ATP2B3: variants seen among roughly 807,000 people sequenced by gnomAD.
The protein encoded by ATP2B3 is plasma membrane calcium-transporting ATPase 3.
A neutral mutation model predicts 70.8 loss-of-function variants in ATP2B3; 12 were observed. That is an observed-to-expected ratio of 0.17 (90% CI 0.11 to 0.27). The LOEUF (loss-of-function observed/expected upper bound fraction) is 0.27, where lower values mean the gene tolerates loss of function less well. Among genes scored for constraint, ATP2B3 ranks in the 10% least tolerant of loss-of-function variants. The pLI is 1.00. For synonymous variants in ATP2B3, 460 were observed against 497.8 expected (o/e 0.92, Z 1.01); for missense variants, 858 against 1,118.5 (o/e 0.77, Z 3.32).
Position 153,549,761 on chromosome X carries a change from C to CGGGCAGGGCCGG in ATP2B3, c.1581+30_1581+41dup, listed in dbSNP as rs1305291833. 6.7e-6 allele frequency: 8 copies of CGGGCAGGGCCGG among 1,192,111 alleles called. No homozygotes were observed. The African/African-American group carries it at 1.2e-4, about 18-fold the overall frequency. On this transcript the variant is annotated intron_variant, in intron 11 of 21. Transcript: ENST00000263519. ...ACTAGTGAGCTGGGGCAGGAGCGGG[C>CGGGCAGGGCCGG]GGGCAGGGCCGGGGGCAGGAGCAGG...
Position 153,523,756 on chromosome X carries a change from C to T in ATP2B3, c.-127+5205C>T, listed in dbSNP as rs782699221. On this transcript the variant is annotated intron_variant, in intron 2 of 21. Transcript: ENST00000263519. ...TGTCACCCAGGCTGGAGTGCAGTGGCGCGATCTCAGCTCACTGCAACCTCC... is the reference window on the plus strand; with the variant it reads ...TGTCACCCAGGCTGGAGTGCAGTGGTGCGATCTCAGCTCACTGCAACCTCC... Among the ~76,000 whole-genome samples, 14 of 95,100 alleles carry T rather than the reference C, an allele frequency of 1.5e-4. No homozygotes were observed. In the South Asian group the frequency reaches 7.9e-3, roughly 53 times the overall value. The allele number at this position is 95,100 out of a possible 115,157, so 82.6% of individuals were successfully genotyped here. A position where few individuals can be genotyped will look rare whatever the true frequency, so the allele number is the denominator to read the frequency against.
intron 5 of ATP2B3, 129 bp from the exon 6 acceptor site, chrX:153,542,194 C>T: frequency 9.6e-7 from 1 of 1,036,921 alleles, no homozygotes; most frequent in East Asian, 3.1e-5. Flanking sequence ...TGCAAATGTC[C>T]TCGTTCCCCA....
At chrX:153,523,292 C>A (rs569643680) in intron 2 of ATP2B3, among the ~76,000 whole-genome samples, 1 of 112,460 alleles carries the variant, frequency 8.9e-6, no homozygotes, top group Non-Finnish European at 1.9e-5. Context: ...ATGTATCAGG[C>A]GGCCTTCAGT....
In ATP2B3 at chrX:153,548,624, C is replaced by A. The variant is rs371977207; in HGVS notation, c.1124-16C>A. The stretch of plus-strand genomic sequence containing the variant: ...CCCGTGGCAACCCCTTTCGTCTCCT[C>A]CCCGCTCTGTGGCAGGGCTGGTGAT... On this transcript the variant is annotated splice_polypyrimidine_tract_variant and intron_variant, in intron 9 of 21. Transcript: ENST00000263519. 1.7e-6 allele frequency: 2 copies of A among 1,202,073 alleles called. No homozygotes were observed. Among genetic ancestry groups the A allele is most frequent in the Admixed American group, 4.4e-5 (2 of 45,677 alleles).
chrX:153,545,761 A>C (rs1557008460), intron 7 of ATP2B3, among the ~76,000 whole-genome samples: 1 of 112,262 alleles, frequency 8.9e-6, no homozygotes, highest in East Asian at 2.8e-4. Context: ...TGCAGGGAGC[A>C]GACGTCCCGA....
rs782200153 is a variant in ATP2B3, at chrX:153,559,708, G to T, written c.2626-21G>T. On this transcript the variant is annotated intron_variant, in intron 17 of 21. Transcript: ENST00000263519. ...TCCCGGGCAGGCGGCCCATGGAAAG[G>T]TGACTGCCTCCTCTCCATAGGACTC... The T allele has an allele frequency of 3.9e-5, 47 of 1,195,043 alleles. No homozygotes were observed. The Admixed American group carries it at 9.2e-4, about 23-fold the overall frequency.
intron 2 of ATP2B3, among the ~76,000 whole-genome samples, chrX:153,520,790 C>T (rs909510013): frequency 1.3e-4 from 15 of 112,057 alleles, no homozygotes; most frequent in Admixed American, 7.5e-4. Flanking sequence ...GAAGTGTGTG[C>T]GGAAGTCAGC....
chrX:153,519,952 C>G lies in ATP2B3; in HGVS notation c.-127+1401C>G, dbSNP rs964228174. ...CAGGTGATGGAGATGCCCCAATCGG[C>G]CCCCGAGGGGCAAGGAAGGGGCCAG... On this transcript the variant is annotated intron_variant, in intron 2 of 21. Coordinates refer to ENST00000263519, the MANE Select transcript of ATP2B3 (RefSeq NM_001001344.3). 2.7e-5 allele frequency among the ~76,000 whole-genome samples: 3 copies of G among 112,294 alleles called. No individual in the cohort carries two copies. The East Asian group carries it at 8.5e-4, about 32-fold the overall frequency.
chrX:153,530,275 G>T (rs1160478319), intron 2 of ATP2B3, among the ~76,000 whole-genome samples: 1 of 112,258 alleles, frequency 8.9e-6, no homozygotes, highest in Non-Finnish European at 1.9e-5. Context: ...TAGCGTTCTG[G>T]TCCTCCCGCT....
At chrX:153,550,969 C>T (rs2090448705) in intron 12 of ATP2B3, among the ~76,000 whole-genome samples, 2 of 112,298 alleles carry the variant, frequency 1.8e-5, no homozygotes, top group Admixed American at 9.4e-5. Flanking sequence ...CCATCCATCC[C>T]TTCATCTGTC....
At chrX:153,535,108 G>A (rs1056035828) in intron 2 of ATP2B3, among the ~76,000 whole-genome samples, 1 of 113,081 alleles carries the variant, frequency 8.8e-6, no homozygotes, top group Non-Finnish European at 1.9e-5. Flanking sequence ...AAGGAGCGGA[G>A]AGAGAGGAGC....
intron 2 of ATP2B3, among the ~76,000 whole-genome samples, chrX:153,521,497 G>A (rs1171775349): frequency 8.9e-6 from 1 of 112,611 alleles, no homozygotes; most frequent in African/African-American, 3.2e-5. Context: ...CAATGGTTGG[G>A]GAATCTTGGG....
At chrX:153,544,129 A>G (rs930864947) in intron 7 of ATP2B3, among the ~76,000 whole-genome samples, 6 of 112,448 alleles carry the variant, frequency 5.3e-5, no homozygotes, top group Admixed American at 1.9e-4. Context: ...TGTGGCACCA[A>G]GTCCTGTAGG....
intron 21 of ATP2B3, among the ~76,000 whole-genome samples, chrX:153,570,585 G>A (rs1311535763): frequency 1.8e-5 from 2 of 112,473 alleles, no homozygotes; most frequent in African/African-American, 6.5e-5. Flanking sequence ...CTACCCTGAT[G>A]GGAGAGAATG....
chrX:153,542,877 G>A (rs1603054087), intron 6 of ATP2B3, among the ~76,000 whole-genome samples, 166 bp from the exon 7 acceptor site: 1 of 113,335 alleles, frequency 8.8e-6, no homozygotes, highest in East Asian at 2.8e-4. Context: ...TGGGCCCTGT[G>A]GGCCTCGGGG....
chrX:153,531,724 G>T (rs897403985), intron 2 of ATP2B3, among the ~76,000 whole-genome samples: 2 of 112,973 alleles, frequency 1.8e-5, no homozygotes, highest in Admixed American at 1.9e-4. Context: ...TGACTAGGGA[G>T]TGACTCGGGA....
At chrX:153,575,906 A>C (rs1162967036) in intron 21 of ATP2B3, among the ~76,000 whole-genome samples, 1 of 110,890 alleles carries the variant, frequency 9.0e-6, no homozygotes, top group Non-Finnish European at 1.9e-5. Context: ...GGAACGGAGA[A>C]GTGTGGCAGA....
chrX:153,530,641 G>T (rs1211557454), intron 2 of ATP2B3, among the ~76,000 whole-genome samples: 9 of 111,011 alleles, frequency 8.1e-5, no homozygotes, highest in African/African-American at 2.9e-4. Context: ...GCCCCTCCGG[G>T]GCTGCCCTGC....
At chrX:153,530,402 C>T (rs2090097522) in intron 2 of ATP2B3, among the ~76,000 whole-genome samples, 1 of 111,271 alleles carries the variant, frequency 9.0e-6, no homozygotes, top group Non-Finnish European at 1.9e-5. Context: ...CGCTGGGCCA[C>T]CTAGGGGCCA....
Sources: gnomAD v4.1 joint callset for allele counts (sites outside exome capture counted in the v4.1 genomes callset) on GRCh38, gnomAD v4.1.1 for gene constraint, MANE v1.5 for transcripts, NCBI Gene and HGNC (gene_info 2026-07-23, HGNC 2026-07-21) for gene names.